Variants in BRD10 observed in about 807,000 individuals in gnomAD.
BRD10 encodes bromodomain containing 10.
the BRD10 span, among the ~76,000 whole-genome samples, chr9:5,910,895 C>A: frequency 6.6e-6 from 1 of 152,120 alleles, no homozygotes; most frequent in African/African-American, 2.4e-5. Flanking sequence ...ATGCAAGGAG[C>A]CTGGGTCATT....
chr9:5,956,205 T>C, the BRD10 span, among the ~76,000 whole-genome samples: 2 of 152,166 alleles, frequency 1.3e-5, no homozygotes, highest in Non-Finnish European at 2.9e-5. Context: ...AATTTCATCT[T>C]ATTGTTACAC....
chr9:5,898,811 C>T, the BRD10 span: 1 of 152,170 alleles, frequency 6.6e-6, no homozygotes, highest in Non-Finnish European at 1.5e-5. Context: ...ACTAAGCATC[C>T]CAGGATATCA....
the BRD10 span, chr9:5,924,779 T>A: frequency 1.2e-6 from 2 of 1,600,822 alleles, no homozygotes; most frequent in South Asian, 2.3e-5. Context: ...TGGTCCATAG[T>A]TCTCTATTAA....
At chr9:5,922,111 C>A in the BRD10 span, 1 of 1,613,936 alleles carries the variant, frequency 6.2e-7, no homozygotes, top group Non-Finnish European at 8.5e-7. Context: ...CTGGGTTGGT[C>A]TGTACTTTTA....
chr9:5,939,822 G>A, the BRD10 span, among the ~76,000 whole-genome samples: 1 of 152,206 alleles, frequency 6.6e-6, no homozygotes, highest in African/African-American at 2.4e-5. Flanking sequence ...AGGATGTTCA[G>A]CAGCAACATT....
the BRD10 span, chr9:5,921,594 T>A: frequency 2.5e-6 from 4 of 1,613,822 alleles, no homozygotes; most frequent in East Asian, 2.2e-5. Context: ...TGAACTGGAG[T>A]CCCACTGATT....
the BRD10 span, among the ~76,000 whole-genome samples, chr9:5,981,566 T>TATCC: frequency 6.7e-6 from 1 of 149,348 alleles, no homozygotes; most frequent in Non-Finnish European, 1.5e-5. Flanking sequence ...TCTATCTATC[T>TATCC]ATCCATCCAT....
chr9:5,975,173 T>C, the BRD10 span, among the ~76,000 whole-genome samples: 2 of 152,016 alleles, frequency 1.3e-5, no homozygotes, highest in African/African-American at 4.8e-5. Context: ...TGGTGGCTCG[T>C]GCCTGTAATC....
chr9:5,947,180 A>T, the BRD10 span, among the ~76,000 whole-genome samples: 1 of 152,172 alleles, frequency 6.6e-6, no homozygotes. Context: ...TCTAGTTAGT[A>T]AACTGTACTA....
At chr9:5,911,284 A>G in the BRD10 span, among the ~76,000 whole-genome samples, 2 of 151,908 alleles carry the variant, frequency 1.3e-5, no homozygotes, top group South Asian at 2.1e-4. Context: ...TTCCAGCACC[A>G]TTTTTTGAAG....
the BRD10 span, among the ~76,000 whole-genome samples, chr9:5,887,969 G>A: frequency 1.3e-5 from 2 of 152,070 alleles, no homozygotes; most frequent in Admixed American, 1.3e-4. Context: ...ATTTTCAGTG[G>A]TGACTATCCA....
chr9:5,988,568 C>T, the BRD10 span: 80 of 1,581,260 alleles, frequency 5.1e-5, 1 homozygote, highest in Middle Eastern at 1.2e-3. Context: ...TAAGTCAATT[C>T]ACAAGGTCAA....
At chr9:6,008,201 T>C in the BRD10 span, 1 of 976,898 alleles carries the variant, frequency 1.0e-6, no homozygotes, top group South Asian at 4.7e-5. Context: ...AAGGGGGTTC[T>C]CCTCTCCCCT....
At chr9:5,917,553 G>C in the BRD10 span, among the ~76,000 whole-genome samples, 1 of 152,232 alleles carries the variant, frequency 6.6e-6, no homozygotes. Flanking sequence ...AGATTTAGTG[G>C]CTGGGTGCAG....
At chr9:5,906,934 C>T in the BRD10 span, 1 of 1,596,334 alleles carries the variant, frequency 6.3e-7, no homozygotes, top group African/African-American at 1.4e-5. Flanking sequence ...AGAAGATGCC[C>T]ACAAGAAGGG....
chr9:5,968,247 C>T, the BRD10 span: 3 of 1,612,208 alleles, frequency 1.9e-6, no homozygotes, highest in Middle Eastern at 1.6e-4. Context: ...AATAGAATAT[C>T]CCTTACAACT....
At chr9:5,949,121 C>T in the BRD10 span, among the ~76,000 whole-genome samples, 1 of 151,550 alleles carries the variant, frequency 6.6e-6, no homozygotes, top group African/African-American at 2.4e-5. Context: ...AAACAAAAAG[C>T]GGAGGTTAAA....
the BRD10 span, chr9:6,007,121 A>G: frequency 1.4e-6 from 2 of 1,475,230 alleles, no homozygotes; most frequent in Non-Finnish European, 9.3e-7. Flanking sequence ...CCCCTGGCCC[A>G]GCCCATCCTC....
At chr9:5,969,520 A>T in the BRD10 span, 1 of 904,510 alleles carries the variant, frequency 1.1e-6, no homozygotes, top group Non-Finnish European at 1.6e-6. Context: ...TCTTTAGCCA[A>T]AAAGGCAATC....
Sources: allele counts gnomAD v4.1 joint callset (sites outside exome capture counted in the v4.1 genomes callset), GRCh38; gene constraint gnomAD v4.1.1; transcripts MANE v1.5; gene names NCBI Gene and HGNC (gene_info 2026-07-23, HGNC 2026-07-21).